The following DTNB variants were observed in gnomAD, a reference collection of about 807,000 sequenced individuals.
DTNB encodes the protein dystrobrevin beta.
Under a neutral mutation model 90.7 loss-of-function variants are expected in DTNB, and 63 were observed. That is an observed-to-expected ratio of 0.69 (90% CI 0.57 to 0.86). DTNB has a LOEUF of 0.86. DTNB is among the 40% of genes least tolerant of loss of function. The pLI, the probability that DTNB is intolerant of heterozygous loss-of-function variation, is 0.00. For synonymous variants in DTNB, 277 were observed against 286.7 expected, an observed-to-expected ratio of 0.97 and a Z score of 0.34; for missense variants, 744 against 807.1, an observed-to-expected ratio of 0.92 and a Z score of 0.95.
At chr2:25,525,052 G>T (rs946658087) in intron 9 of DTNB, among the ~76,000 whole-genome samples, 10 of 152,172 alleles carry the variant, frequency 6.6e-5, no homozygotes, top group Non-Finnish European at 1.5e-5. Context: ...TGAATTACTC[G>T]TGGTAAAGTC....
chr2:25,410,352 C>A (rs1235407543), intron 16 of DTNB, among the ~76,000 whole-genome samples: 1 of 152,102 alleles, frequency 6.6e-6, no homozygotes, highest in African/African-American at 2.4e-5. Flanking sequence ...GGGTGTGGCA[C>A]ACACCCCAAA....
At chr2:25,506,789 C>G (rs1220264747) in intron 9 of DTNB, among the ~76,000 whole-genome samples, 1 of 152,014 alleles carries the variant, frequency 6.6e-6, no homozygotes, top group African/African-American at 2.4e-5. Context: ...AACCTGCACC[C>G]AACAATTTGA....
intron 1 of DTNB, among the ~76,000 whole-genome samples, chr2:25,670,865 G>C (rs191011068): frequency 6.6e-6 from 1 of 152,170 alleles, no homozygotes; most frequent in Non-Finnish European, 1.5e-5. Flanking sequence ...GTACCATTCT[G>C]AATAGCGTGA....
chr2:25,646,707 T>C (rs2079538883), intron 2 of DTNB, among the ~76,000 whole-genome samples: 1 of 152,178 alleles, frequency 6.6e-6, no homozygotes, highest in Admixed American at 6.5e-5. Flanking sequence ...TTGTTCTGCC[T>C]TTCTGGACCA....
chr2:25,566,970 C>T (rs2059137190), intron 8 of DTNB, among the ~76,000 whole-genome samples: 1 of 152,182 alleles, frequency 6.6e-6, no homozygotes, highest in African/African-American at 2.4e-5. Context: ...AGAGGTCAGA[C>T]AGCTTAAACA....
chr2:25,463,699 G>C (rs557920778), intron 10 of DTNB, among the ~76,000 whole-genome samples: 1 of 152,332 alleles, frequency 6.6e-6, no homozygotes, highest in South Asian at 2.1e-4. Flanking sequence ...GAACGAATAA[G>C]TCAATGGATG....
At chr2:25,555,344 A>C (rs2057143449) in intron 8 of DTNB, among the ~76,000 whole-genome samples, 1 of 152,028 alleles carries the variant, frequency 6.6e-6, no homozygotes, top group South Asian at 2.1e-4. Flanking sequence ...CAAAATGTTA[A>C]AAAGCCAATA....
chr2:25,628,425 G>C, intron 3 of DTNB, 41 bp from the exon 4 acceptor site: 2 of 1,565,302 alleles, frequency 1.3e-6, no homozygotes, highest in Non-Finnish European at 1.7e-6. Context: ...ATTTTAAAGT[G>C]TGGTACTACC....
intron 8 of DTNB, among the ~76,000 whole-genome samples, chr2:25,565,499 C>A (rs1373363360): frequency 6.6e-6 from 1 of 152,124 alleles, no homozygotes; most frequent in Non-Finnish European, 1.5e-5. Context: ...ATTCTCCCTC[C>A]TGAGTCTCTC....
At chr2:25,670,219 T>C (rs1358446530) in intron 1 of DTNB, among the ~76,000 whole-genome samples, 1 of 152,232 alleles carries the variant, frequency 6.6e-6, no homozygotes, top group Non-Finnish European at 1.5e-5. Context: ...TGGTATGATG[T>C]CATTAATGCA....
chr2:25,382,016 C>T (rs142221929), intron 19 of DTNB, among the ~76,000 whole-genome samples: 60 of 152,342 alleles, frequency 3.9e-4, no homozygotes, highest in African/African-American at 1.4e-3. Flanking sequence ...AAGACCACTC[C>T]ACTTCCCTTA....
intron 9 of DTNB, among the ~76,000 whole-genome samples, chr2:25,500,099 ACT>A (rs1404232502): frequency 6.6e-6 from 1 of 151,800 alleles, no homozygotes; most frequent in African/African-American, 2.4e-5. Context: ...ATGGGATCTC[ACT>A]CTGTGGCCAG....
At chr2:25,582,963 C>T (rs2148229039) in intron 6 of DTNB, among the ~76,000 whole-genome samples, 1 of 152,128 alleles carries the variant, frequency 6.6e-6, no homozygotes, top group East Asian at 1.9e-4. Flanking sequence ...AGTGTCTATT[C>T]AAAATTATTG....
intron 2 of DTNB, among the ~76,000 whole-genome samples, chr2:25,649,407 C>G (rs952875049): frequency 5.3e-5 from 8 of 152,178 alleles, no homozygotes; most frequent in African/African-American, 1.9e-4. Flanking sequence ...TCAAAATTGT[C>G]TTTCTTTAAA....
Position 25,638,844 on chromosome 2 carries a change from G to A in DTNB, c.148+170C>T, listed in dbSNP as rs1348957339. On this transcript the variant is annotated intron_variant, in intron 3 of 20. Transcript: ENST00000406818. ...GACTGAGTTTGTTAAACATTTTGAA[G>A]GACAAAGAAGTAAAATGACAAGTTC... Among the ~76,000 whole-genome samples, 4 of 152,086 alleles carry A rather than the reference G, an allele frequency of 2.6e-5. No individual in the cohort carries two copies. In the East Asian group the frequency reaches 7.7e-4, roughly 29 times the overall value.
At chr2:25,495,117 G>A (rs2068515075) in intron 9 of DTNB, among the ~76,000 whole-genome samples, 1 of 151,964 alleles carries the variant, frequency 6.6e-6, no homozygotes, top group Admixed American at 6.6e-5. Flanking sequence ...CCAGGCTGGA[G>A]TGCAGCGGTG....
intron 2 of DTNB, among the ~76,000 whole-genome samples, chr2:25,646,655 T>C (rs1266493111): frequency 6.6e-6 from 1 of 152,178 alleles, no homozygotes; most frequent in Non-Finnish European, 1.5e-5. Flanking sequence ...TACTTTTAAA[T>C]CTACCTATAA....
intron 12 of DTNB, among the ~76,000 whole-genome samples, chr2:25,449,029 T>G (rs1234322621): frequency 1.3e-5 from 2 of 152,110 alleles, no homozygotes; most frequent in East Asian, 1.9e-4. Context: ...TGATTAGGAG[T>G]TGATGATTAA....
chr2:25,416,108 AG>A (rs2149768911), intron 16 of DTNB, among the ~76,000 whole-genome samples: 1 of 152,304 alleles, frequency 6.6e-6, no homozygotes, highest in Admixed American at 6.5e-5. Flanking sequence ...CCCTAACTCC[AG>A]GTAGTGTCAG....
Sources: allele counts gnomAD v4.1 joint callset (sites outside exome capture counted in the v4.1 genomes callset), GRCh38; gene constraint gnomAD v4.1.1; transcripts MANE v1.5; gene names NCBI Gene and HGNC (gene_info 2026-07-23, HGNC 2026-07-21).